Variants in GNA14 observed in about 807,000 individuals in gnomAD.
The protein encoded by GNA14 is G protein subunit alpha 14.
Under a neutral mutation model 42.0 loss-of-function variants are expected in GNA14, and 50 were observed. That is an observed-to-expected ratio of 1.19 (90% CI 0.95 to 1.51). The LOEUF is 1.51. Ranked by LOEUF, GNA14 falls within the 40% of genes most tolerant of loss-of-function variation. The pLI is 0.00. For missense variants in GNA14, 473 were observed against 446.2 expected, an observed-to-expected ratio of 1.06 and a Z score of -0.54; for synonymous variants, 173 against 163.1, an observed-to-expected ratio of 1.06 and a Z score of -0.46.
chr9:77,446,406 G>A (rs1835818229), intron 2 of GNA14, among the ~76,000 whole-genome samples: 3 of 152,188 alleles, frequency 2.0e-5, no homozygotes, highest in Non-Finnish European at 4.4e-5. Context: ...AGCCAGGATG[G>A]CCGCGGGTCC....
intron 1 of GNA14, among the ~76,000 whole-genome samples, chr9:77,556,566 C>G (rs909348347): frequency 1.2e-4 from 18 of 152,286 alleles, no homozygotes; most frequent in African/African-American, 4.3e-4. Context: ...ATGTTTGAGT[C>G]AGCAAGTCCC....
chr9:77,613,940 G>A (rs1823771719), intron 1 of GNA14, among the ~76,000 whole-genome samples: 1 of 152,206 alleles, frequency 6.6e-6, no homozygotes, highest in African/African-American at 2.4e-5. Flanking sequence ...AGAAACAGCA[G>A]CTAGTAGTGT....
At chr9:77,595,268 A>T (rs1823447044) in intron 1 of GNA14, among the ~76,000 whole-genome samples, 1 of 152,176 alleles carries the variant, frequency 6.6e-6, no homozygotes. Context: ...TAGGTCATCA[A>T]GGAATTGAGG....
At chr9:77,580,771 G>T (rs1823211280) in intron 1 of GNA14, 1 of 189,840 alleles carries the variant, frequency 5.3e-6, no homozygotes, top group Non-Finnish European at 1.2e-5. Flanking sequence ...TGCCACCAAG[G>T]TGTTGTGCAT....
chr9:77,528,384 A>G (rs1350632968), intron 2 of GNA14, among the ~76,000 whole-genome samples: 1 of 152,092 alleles, frequency 6.6e-6, no homozygotes, highest in Non-Finnish European at 1.5e-5. Context: ...ACATAGTATT[A>G]TTCTCCTCTG....
chr9:77,618,884 C>G (rs916984361), intron 1 of GNA14, among the ~76,000 whole-genome samples: 1 of 151,112 alleles, frequency 6.6e-6, no homozygotes, highest in Admixed American at 6.6e-5. Flanking sequence ...CCGCCCGCCT[C>G]GGCCTCCCAA....
chr9:77,519,476 G>C (rs567714858), intron 2 of GNA14, among the ~76,000 whole-genome samples: 2 of 152,222 alleles, frequency 1.3e-5, no homozygotes, highest in Middle Eastern at 6.8e-3. Context: ...GTTTATATCG[G>C]ATTAGTTAAT....
intron 1 of GNA14, among the ~76,000 whole-genome samples, chr9:77,565,153 A>G (rs1035856935): frequency 1.3e-5 from 2 of 152,166 alleles, no homozygotes; most frequent in South Asian, 4.1e-4. Context: ...GTAGTACTTG[A>G]AAGTATTTCT....
At chr9:77,438,903 G>C (rs1024383055) in intron 2 of GNA14, among the ~76,000 whole-genome samples, 4 of 152,188 alleles carry the variant, frequency 2.6e-5, no homozygotes, top group African/African-American at 9.7e-5. Context: ...TCAGCATCAG[G>C]AAATAGGCGT....
chr9:77,644,049 T>C (rs1017473089), intron 1 of GNA14, among the ~76,000 whole-genome samples: 4 of 152,204 alleles, frequency 2.6e-5, no homozygotes, highest in African/African-American at 7.2e-5. Flanking sequence ...CCAAAGTTTT[T>C]ATGTTGAAAT....
chr9:77,566,075 T>C (rs1416213165), intron 1 of GNA14, among the ~76,000 whole-genome samples: 1 of 150,530 alleles, frequency 6.6e-6, no homozygotes, highest in East Asian at 2.0e-4. Flanking sequence ...GCCCCAAATA[T>C]CACCGGTGCT....
chr9:77,511,530 T>G (rs1315213006), intron 2 of GNA14, among the ~76,000 whole-genome samples: 1 of 152,170 alleles, frequency 6.6e-6, no homozygotes, highest in Non-Finnish European at 1.5e-5. Context: ...TTTCCTCTTG[T>G]GTTTTTCGCA....
chr9:77,628,621 AAAAC>A (rs1308568619), intron 1 of GNA14, among the ~76,000 whole-genome samples: 1 of 152,182 alleles, frequency 6.6e-6, no homozygotes, highest in Non-Finnish European at 1.5e-5. Context: ...CAACCCGACA[AAAAC>A]AAGCAATGGG....
chr9:77,423,958 G>A lies in GNA14; in HGVS notation c.*21C>T, dbSNP rs778014252. 2.6e-6 allele frequency: 4 copies of A among 1,539,168 alleles called. No individual in the cohort carries two copies. The highest frequency in any genetic ancestry group is 3.5e-6 in the Non-Finnish European group (4 of 1,132,164). ...TTGCAAATCACATCTTCTGTTATAG[G>A]GGAGGAGTGGGCAGCAGCTTTTAGA... On this transcript the variant is annotated 3_prime_UTR_variant, in exon 7 of 7. Transcript: ENST00000341700.
At chr9:77,502,855 T>A (rs979465501) in intron 2 of GNA14, among the ~76,000 whole-genome samples, 1 of 152,156 alleles carries the variant, frequency 6.6e-6, no homozygotes, top group Non-Finnish European at 1.5e-5. Context: ...TAAAGCAGGG[T>A]GGCTATTGCT....
At chr9:77,543,076 A>G (rs1250939454) in intron 1 of GNA14, among the ~76,000 whole-genome samples, 4 of 152,252 alleles carry the variant, frequency 2.6e-5, no homozygotes, top group Admixed American at 6.5e-5. Flanking sequence ...TTGGTCCCAC[A>G]GAAGCCTGCA....
chr9:77,484,039 A>G (rs930764364), intron 2 of GNA14, among the ~76,000 whole-genome samples: 12 of 152,194 alleles, frequency 7.9e-5, no homozygotes, highest in Admixed American at 6.5e-4. Context: ...ATACAAAACA[A>G]TTTCTCTCCC....
intron 2 of GNA14, among the ~76,000 whole-genome samples, chr9:77,476,705 T>C (rs12006481): frequency 0.031 from 4,702 of 152,242 alleles, 234 homozygotes; most frequent in African/African-American, 0.11. Context: ...ATTGGAACTA[T>C]TGTGGAGGAG....
intron 1 of GNA14, among the ~76,000 whole-genome samples, chr9:77,586,761 C>G (rs1382343955): frequency 1.3e-5 from 2 of 152,140 alleles, no homozygotes; most frequent in East Asian, 1.9e-4. Flanking sequence ...CCACCCTAAC[C>G]TTTTATTATG....
Sources: gnomAD v4.1 joint callset for allele counts (sites outside exome capture counted in the v4.1 genomes callset) on GRCh38, gnomAD v4.1.1 for gene constraint, MANE v1.5 for transcripts, NCBI Gene and HGNC (gene_info 2026-07-23, HGNC 2026-07-21) for gene names.